Variants in B3GAT1 observed in about 807,000 individuals in gnomAD.
The protein encoded by B3GAT1 is galactosylgalactosylxylosylprotein 3-beta-glucuronosyltransferase 1.
In B3GAT1, 11 loss-of-function variants were observed where a neutral mutation model predicts 28.4. The observed-to-expected ratio is 0.39, with a 90% CI of 0.24 to 0.64. The LOEUF is 0.64. Ranked by LOEUF, B3GAT1 falls within the 30% of genes least tolerant of loss-of-function variation. The pLI, the probability that B3GAT1 is intolerant of heterozygous loss-of-function variation, is 0.50. For synonymous variants in B3GAT1, 255 were observed against 223.1 expected, an observed-to-expected ratio of 1.14 and a Z score of -1.27; for missense variants, 375 against 491.0, an observed-to-expected ratio of 0.76 and a Z score of 2.23.
In B3GAT1 at chr11:134,380,112, G is replaced by C. The variant is rs1334904997; in HGVS notation, c.*650C>G. 1 of 152,448 alleles carries C rather than the reference G, an allele frequency of 6.6e-6. No individual in the cohort carries two copies. The highest frequency in any genetic ancestry group is 2.4e-5 in the African/African-American group (1 of 41,426). The allele number at this position is 152,448 out of a possible 1,614,324, so 9.4% of individuals were successfully genotyped here. A position where few individuals can be genotyped will look rare whatever the true frequency, so the allele number is the denominator to read the frequency against. The stretch of plus-strand genomic sequence containing the variant: ...TACAGGGGGTGCCTATTAGGCCCAG[G>C]CTCCCCCCATGCAGGGCTGGGTGCC... On this transcript the variant is annotated 3_prime_UTR_variant, in exon 6 of 6. Transcript: ENST00000312527.
rs908942600 is a variant in B3GAT1 at position 134,379,442 on chromosome 11, G to A, written c.*1320C>T. 5 of 152,552 alleles carry A rather than the reference G, an allele frequency of 3.3e-5. No homozygotes were observed. The highest frequency in any genetic ancestry group is 1.2e-4 in the African/African-American group (5 of 41,452). The allele number at this position is 152,552 out of a possible 1,614,324, so 9.4% of individuals were successfully genotyped here. ...AGAGCCCGGCTGGGCCAGGGGGTCAGAGCCCTTTCCAGTGGGCCCCAGAGG... is the reference window on the plus strand; with the variant it reads ...AGAGCCCGGCTGGGCCAGGGGGTCAAAGCCCTTTCCAGTGGGCCCCAGAGG... On this transcript the variant is annotated 3_prime_UTR_variant, in exon 6 of 6. Transcript: ENST00000312527.
chr11:134,390,606 G>A (rs1440137095), intron 1 of B3GAT1: 2 of 152,246 alleles, frequency 1.3e-5, no homozygotes, highest in Non-Finnish European at 2.9e-5. Context: ...CTTCCCTATA[G>A]CATGAGAGAT....
chr11:134,386,857 A>T (rs77050638), intron 2 of B3GAT1: 14 of 152,138 alleles, frequency 9.2e-5, no homozygotes, highest in African/African-American at 3.4e-4. Context: ...ATCTTGGGGG[A>T]CTTGCAGATA....
At chr11:134,405,885 C>T (rs1224015814) in intron 1 of B3GAT1, among the ~76,000 whole-genome samples, 2 of 152,248 alleles carry the variant, frequency 1.3e-5, no homozygotes, top group Non-Finnish European at 2.9e-5. Context: ...CCAGCTCCTG[C>T]CCCTCAGGCC....
rs747947460 is a variant in B3GAT1 at position 134,382,799 on chromosome 11, C to T, written c.829G>A (p.Gly277Ser). The T allele has an allele frequency of 4.3e-6, 7 of 1,614,206 alleles. No homozygotes were observed. Among genetic ancestry groups the T allele is most frequent in the South Asian group, 1.1e-5 (1 of 91,088 alleles). ...CTTTCCTGGTAGCCTCCCTTCACACCTCGCAGCTTGAAGTAGGCCTGGCTT... is the reference window on the plus strand; with the variant it reads ...CTTTCCTGGTAGCCTCCCTTCACACTTCGCAGCTTGAAGTAGGCCTGGCTT... ...QRSQAYFKLR[G>S]VKGGYQESSL... The change falls in exon 4 of 6, where the codon GGT (glycine) becomes AGT (serine). Residue 277 changes from glycine (G) to serine (S), a missense_variant. By Grantham distance (56) the Gly-to-Ser change is moderately conservative. Transcript: ENST00000312527.
intron 1 of B3GAT1, among the ~76,000 whole-genome samples, chr11:134,405,258 C>T (rs959268839): frequency 1.3e-5 from 2 of 152,130 alleles, no homozygotes; most frequent in South Asian, 2.1e-4. Flanking sequence ...CCTTAGGCTT[C>T]GGAAGACGCC....
chr11:134,412,098 G>GGCGGGGGGGGGGA lies in B3GAT1; in HGVS notation c.-574_-573insTCCCCCCCCCCGC, dbSNP rs1944871897. ...GCGGGCAGGGAGGCGGGGGGCGGGG[G>GGCGGGGGGGGGGA]GCGGGGAGGGGGAGCGGGGAGGGGG... On this transcript the variant is annotated 5_prime_UTR_variant, in exon 1 of 6. Coordinates refer to ENST00000312527, the MANE Select transcript of B3GAT1 (RefSeq NM_054025.3). Among the ~76,000 whole-genome samples the GGCGGGGGGGGGGA allele has an allele frequency of 2.3e-4, 11 of 48,258 alleles. No homozygotes were observed. Among genetic ancestry groups the GGCGGGGGGGGGGA allele is most frequent in the Admixed American group, 2.2e-3 (9 of 4,074 alleles). The allele number at this position is 48,258 out of a possible 152,430, so 31.7% of individuals were successfully genotyped here.
intron 1 of B3GAT1, among the ~76,000 whole-genome samples, chr11:134,398,497 T>G (rs895305194): frequency 1.3e-5 from 2 of 150,768 alleles, no homozygotes; most frequent in African/African-American, 5.0e-5. Flanking sequence ...CCAAAAGGAC[T>G]GCACGTTGGT....
Position 134,383,938 on chromosome 11 carries a change from C to T in B3GAT1, c.363G>A (p.Glu121=), listed in dbSNP as rs769546374. The change falls in exon 3 of 6, where the codon GAG becomes GAA. Residue 121 remains glutamate, a synonymous_variant. Coordinates refer to ENST00000312527, the MANE Select transcript of B3GAT1 (RefSeq NM_054025.3). The part of the protein sequence containing the change: ...HVPNLHWLVV[E]DAPRRTPLTA... Reference sequence around the variant, plus strand: ...TCAGCGGCGTCCGGCGCGGCGCATCCTCCACCACCAGCCAGTGGAGGTTGG... The same window carrying T: ...TCAGCGGCGTCCGGCGCGGCGCATCTTCCACCACCAGCCAGTGGAGGTTGG... The T allele has an allele frequency of 2.4e-5, 39 of 1,597,666 alleles. No individual in the cohort carries two copies. Among genetic ancestry groups the T allele is most frequent in the Non-Finnish European group, 3.2e-5 (38 of 1,177,108 alleles).
At chr11:134,387,997 G>C (rs769528816) in intron 1 of B3GAT1, 57 bp from the exon 2 acceptor site, 16 of 647,140 alleles carry the variant, frequency 2.5e-5, no homozygotes, top group Non-Finnish European at 4.1e-5. Context: ...ATGGATGCCA[G>C]CAAGGCTGGG....
At chr11:134,388,268 C>T (rs889547496) in intron 1 of B3GAT1, 2 of 227,584 alleles carry the variant, frequency 8.8e-6, no homozygotes, top group East Asian at 1.8e-4. Context: ...GTTCTCCATG[C>T]CACAGTTTTC....
intron 1 of B3GAT1, among the ~76,000 whole-genome samples, chr11:134,402,161 C>A (rs1168487958): frequency 6.6e-6 from 1 of 152,194 alleles, no homozygotes; most frequent in Non-Finnish European, 1.5e-5. Context: ...GGGCACCCAT[C>A]CTGTCACCCT....
rs374034968 is a variant in B3GAT1 at position 134,382,839 on chromosome 11, C to A, written c.789G>T (p.Arg263=). 1 of 1,614,084 alleles carries A rather than the reference C, an allele frequency of 6.2e-7. No individual in the cohort carries two copies. The highest frequency in any genetic ancestry group is 1.3e-5 in the African/African-American group (1 of 74,930). ...IDMAGFAVNL[R]LILQRSQAYF... ...AGGCCTGGCTTCGCTGCAGAATGAG[C>A]CGCAGGTTGACGGCAAATCCAGCCA... The change falls in exon 4 of 6, where the codon CGG becomes CGT. Residue 263 remains arginine, a synonymous_variant. Transcript: ENST00000312527.
At chr11:134,396,829 AG>A (rs1268555050) in intron 1 of B3GAT1, among the ~76,000 whole-genome samples, 1 of 152,142 alleles carries the variant, frequency 6.6e-6, no homozygotes, top group African/African-American at 2.4e-5. Flanking sequence ...TCACCTCCAA[AG>A]AAGAGGCAGG....
Position 134,383,869 on chromosome 11 carries a change from C to CAGGT in B3GAT1, c.428_431dup (p.His145ProfsTer103). The CAGGT allele has an allele frequency of 6.3e-7, 1 of 1,596,992 alleles. No homozygotes were observed. Among genetic ancestry groups the CAGGT allele is most frequent in the Non-Finnish European group, 8.5e-7 (1 of 1,175,122 alleles). ...TGTAGTTGCGGGGCGTCTCCACGTG[C>CAGGT]AGGTGCGTGTAGTTGAGGCCGGTGT... On this transcript the variant is annotated frameshift_variant, in exon 3 of 6. Coordinates refer to ENST00000312527, the MANE Select transcript of B3GAT1 (RefSeq NM_054025.3). LOFTEE classifies it high-confidence loss of function.
intron 5 of B3GAT1, among the ~76,000 whole-genome samples, chr11:134,381,371 A>G (rs1342752254): frequency 6.6e-6 from 1 of 152,238 alleles, no homozygotes; most frequent in Non-Finnish European, 1.5e-5. Flanking sequence ...TCAGCAACCT[A>G]CTTCACAGAT....
chr11:134,396,240 CG>C (rs1387761160), intron 1 of B3GAT1, among the ~76,000 whole-genome samples: 1 of 152,244 alleles, frequency 6.6e-6, no homozygotes, highest in South Asian at 2.1e-4. Flanking sequence ...GCATGAGCAC[CG>C]GGGGGTGGGG....
At chr11:134,404,744 C>T (rs1022592291) in intron 1 of B3GAT1, among the ~76,000 whole-genome samples, 2 of 152,188 alleles carry the variant, frequency 1.3e-5, no homozygotes, top group African/African-American at 4.8e-5. Flanking sequence ...CCTGGGGAGC[C>T]GCAGAGACAC....
At chr11:134,408,157 C>A (rs867359210) in intron 1 of B3GAT1, among the ~76,000 whole-genome samples, 1 of 98,508 alleles carries the variant, frequency 1.0e-5, no homozygotes, top group African/African-American at 3.4e-5. Flanking sequence ...AGGACTCAAG[C>A]GGGTGAGGAG....
Sources: gnomAD v4.1 joint callset for allele counts (sites outside exome capture counted in the v4.1 genomes callset) on GRCh38, gnomAD v4.1.1 for gene constraint, MANE v1.5 for transcripts, NCBI Gene and HGNC (gene_info 2026-07-23, HGNC 2026-07-21) for gene names.